The following EIF2B3 variants were observed in gnomAD, a reference collection of about 807,000 sequenced individuals.
EIF2B3 encodes the protein translation initiation factor eIF2B subunit gamma.
In EIF2B3, 20 loss-of-function variants were observed where a neutral mutation model predicts 54.1. The ratio of observed to expected loss-of-function variants is 0.37; its 90% CI spans 0.26 to 0.54. The LOEUF (loss-of-function observed/expected upper bound fraction) is 0.54. Among genes scored for constraint, EIF2B3 ranks in the 20% least tolerant of loss-of-function variants. The pLI is 0.86. For synonymous variants in EIF2B3, 153 were observed against 188.1 expected, an observed-to-expected ratio of 0.81 and a Z score of 1.52; for missense variants, 448 against 547.8, an observed-to-expected ratio of 0.82 and a Z score of 1.82.
At position 44,881,489 on chromosome 1, in the gene EIF2B3, C is replaced by T. The variant is rs184589510; in HGVS notation, c.784+123G>A. 3.0e-4 allele frequency: 406 copies of T among 1,363,350 alleles called. 1 individual carries two copies. Among genetic ancestry groups the T allele is most frequent in the East Asian group, 3.5e-4 (15 of 42,382 alleles). 84.5% of individuals were successfully genotyped at this position (1,363,350 alleles called of 1,614,324 possible). A position where few individuals can be genotyped will look rare whatever the true frequency, so the allele number is the denominator to read the frequency against. ...GTGGGTTGGCAAGCCTGTCTTGCCT[C>T]GTAGGCTAGAAATAGTCTGCTGCCT... On this transcript the variant is annotated intron_variant, in intron 7 of 11. Transcript: ENST00000360403. This position sits in a 1 kb window ranked among gnomAD's most constrained non-coding sequence, Gnocchi z 4.0.
intron 3 of EIF2B3, 93 bp from the exon 4 acceptor site, chr1:44,941,758 C>CA: frequency 7.2e-7 from 1 of 1,389,378 alleles, no homozygotes; most frequent in Non-Finnish European, 1.0e-6. Flanking sequence ...TAAAACCACA[C>CA]AAATCAGACA....
At chr1:44,964,596 A>T (rs1306786220) in intron 3 of EIF2B3, among the ~76,000 whole-genome samples, 2 of 152,180 alleles carry the variant, frequency 1.3e-5, no homozygotes, top group African/African-American at 4.8e-5. Flanking sequence ...TTGTTGTAAC[A>T]TGTTAGCTGT....
At chr1:44,851,993 G>A (rs1557655762) in intron 11 of EIF2B3, among the ~76,000 whole-genome samples, 1 of 150,734 alleles carries the variant, frequency 6.6e-6, no homozygotes, top group Non-Finnish European at 1.5e-5. Flanking sequence ...TTGTCACCCA[G>A]GCTGGAGTGC....
At chr1:44,852,669 C>T (rs147729616) in intron 11 of EIF2B3, among the ~76,000 whole-genome samples, 11,279 of 151,712 alleles carry the variant, frequency 0.074, 1,431 homozygotes, top group African/African-American at 0.26. Context: ...ATCCCAGCTA[C>T]TCGGGAGGCT....
chr1:44,939,501 TAA>T (rs1334728274), intron 4 of EIF2B3, among the ~76,000 whole-genome samples: 2 of 152,206 alleles, frequency 1.3e-5, no homozygotes, highest in Admixed American at 1.3e-4. Flanking sequence ...TCAAAATTGC[TAA>T]GAGAGTAAAT....
At chr1:44,981,338 T>C (rs1644510742) in intron 1 of EIF2B3, among the ~76,000 whole-genome samples, 161 bp from the exon 2 acceptor site, 1 of 152,176 alleles carries the variant, frequency 6.6e-6, no homozygotes, top group African/African-American at 2.4e-5. Flanking sequence ...TAGCTGCAGA[T>C]AAACATTATG....
intron 3 of EIF2B3, among the ~76,000 whole-genome samples, chr1:44,958,062 G>C (rs1644246585): frequency 6.6e-6 from 1 of 152,224 alleles, no homozygotes; most frequent in Non-Finnish European, 1.5e-5. Flanking sequence ...AACCATAGGA[G>C]TTGGTTGAGT....
intron 5 of EIF2B3, among the ~76,000 whole-genome samples, chr1:44,923,298 G>A (rs553066966): frequency 1.1e-3 from 170 of 152,286 alleles, no homozygotes; most frequent in African/African-American, 3.8e-3. Context: ...TGTCTAGTAA[G>A]CTTTCTCAAA....
intron 5 of EIF2B3, among the ~76,000 whole-genome samples, chr1:44,904,262 A>G (rs527586146): frequency 6.6e-6 from 1 of 152,296 alleles, no homozygotes; most frequent in Admixed American, 6.5e-5. Flanking sequence ...TACAAGAGAA[A>G]ATTAATTTTA....
chr1:44,888,187 A>C (rs556594602), intron 6 of EIF2B3, among the ~76,000 whole-genome samples: 1 of 152,236 alleles, frequency 6.6e-6, no homozygotes, highest in South Asian at 2.1e-4. Flanking sequence ...GGTGCTAAGC[A>C]TCCATATGGT....
intron 6 of EIF2B3, among the ~76,000 whole-genome samples, chr1:44,893,052 C>CT (rs1655853472): frequency 6.6e-6 from 1 of 152,072 alleles, no homozygotes; most frequent in African/African-American, 2.4e-5. Context: ...ACACTTTCAT[C>CT]TTTTTTAATT....
intron 3 of EIF2B3, among the ~76,000 whole-genome samples, chr1:44,957,049 A>G (rs264005): frequency 0.48 from 72,191 of 151,976 alleles, 17,932 homozygotes; most frequent in African/African-American, 0.62. Flanking sequence ...GATTACTTGA[A>G]CTCATGAGTT....
At chr1:44,892,724 T>C (rs1310546686) in intron 6 of EIF2B3, among the ~76,000 whole-genome samples, 1 of 152,242 alleles carries the variant, frequency 6.6e-6, no homozygotes, top group Non-Finnish European at 1.5e-5. Context: ...GGAGACTACC[T>C]TGATTTAATC....
chr1:44,917,211 G>A (rs1643639878), intron 5 of EIF2B3, among the ~76,000 whole-genome samples: 1 of 152,000 alleles, frequency 6.6e-6, no homozygotes, highest in African/African-American at 2.4e-5. Context: ...ATCTGCAGAT[G>A]TGCCAGGTGC....
intron 4 of EIF2B3, 27 bp from the exon 5 acceptor site, chr1:44,926,766 TC>T (rs769156320): frequency 1.1e-5 from 18 of 1,572,836 alleles, no homozygotes; most frequent in Middle Eastern, 1.7e-4. Context: ...AAAAAAAAAA[TC>T]AAATAAAGCC....
chr1:44,870,302 A>G (rs942395453), intron 10 of EIF2B3, among the ~76,000 whole-genome samples: 1 of 152,252 alleles, frequency 6.6e-6, no homozygotes, highest in African/African-American at 2.4e-5. Context: ...AATACCAGAC[A>G]TCTCCACATA....
At chr1:44,900,247 G>C (rs559979721) in intron 5 of EIF2B3, among the ~76,000 whole-genome samples, 2 of 152,194 alleles carry the variant, frequency 1.3e-5, no homozygotes, top group South Asian at 2.1e-4. Flanking sequence ...AGGAGTTTGA[G>C]AACAGTCTGG....
intron 8 of EIF2B3, among the ~76,000 whole-genome samples, chr1:44,878,068 T>C (rs1655256932): frequency 3.3e-5 from 5 of 152,292 alleles, no homozygotes; most frequent in African/African-American, 7.2e-5. Context: ...AGGTTATCCA[T>C]GAACATCTTT....
chr1:44,971,152 G>A (rs1264522580), intron 3 of EIF2B3, among the ~76,000 whole-genome samples: 1 of 152,148 alleles, frequency 6.6e-6, no homozygotes, highest in Non-Finnish European at 1.5e-5. Context: ...GGGAGGCCGA[G>A]GCGGGCGGAT....
Sources: allele counts gnomAD v4.1 joint callset (sites outside exome capture counted in the v4.1 genomes callset), GRCh38; gene constraint gnomAD v4.1.1; non-coding constraint Gnocchi (gnomAD v3.1); transcripts MANE v1.5; gene names NCBI Gene and HGNC (gene_info 2026-07-23, HGNC 2026-07-21).